ZNF737: variants seen among roughly 807,000 people sequenced by gnomAD.
The protein encoded by ZNF737 is zinc finger protein 102 (Y3).
ZNF737 carries 13 observed loss-of-function variants against 11.7 expected under a neutral mutation model. That is an observed-to-expected ratio of 1.11 (90% CI 0.73 to 1.77). ZNF737 has a LOEUF of 1.77. Ranked by LOEUF, ZNF737 falls within the 40% of genes most tolerant of loss-of-function variation. The probability of loss-of-function intolerance (pLI) is 0.00; values close to 1 mark genes in which losing one functional copy is unlikely to be tolerated. For synonymous variants in ZNF737, 217 were observed against 216.2 expected, an observed-to-expected ratio of 1.00 and a Z score of -0.03; for missense variants, 636 against 638.0, an observed-to-expected ratio of 1.00 and a Z score of 0.03.
chr19:20,539,390 A>AAAG lies in ZNF737; in HGVS notation c.*5199_*5201dup. 25 of 985,438 alleles carry AAAG rather than the reference A, an allele frequency of 2.5e-5. No individual in the cohort carries two copies. The highest frequency in any genetic ancestry group is 3.0e-5 in the Non-Finnish European group (25 of 829,928). 61.0% of individuals were successfully genotyped at this position (985,438 alleles called of 1,614,324 possible). Reference sequence around the variant, plus strand: ...ACTTTAGCCAGGATTTCAGATTTCAAAAGGTCAAAAACAATCATTGAGCAA... The same window carrying AAAG: ...ACTTTAGCCAGGATTTCAGATTTCAAAAGAAGGTCAAAAACAATCATTGAGCAA... On this transcript the variant is annotated 3_prime_UTR_variant, in exon 4 of 4. Coordinates refer to ENST00000427401, the MANE Select transcript of ZNF737 (RefSeq NM_001159293.2).
At chr19:20,559,894 C>T (rs1969018746) in intron 1 of ZNF737, among the ~76,000 whole-genome samples, 1 of 152,090 alleles carries the variant, frequency 6.6e-6, no homozygotes, top group Non-Finnish European at 1.5e-5. Flanking sequence ...TGGTCAGATG[C>T]AGTGGTTCAC....
intron 3 of ZNF737, among the ~76,000 whole-genome samples, chr19:20,550,295 AGGCT>A (rs1303759911): frequency 6.6e-6 from 1 of 152,198 alleles, no homozygotes; most frequent in African/African-American, 2.4e-5. Flanking sequence ...ATGGAGATAT[AGGCT>A]GAAAAAAGTA....
the ZNF737 span, among the ~76,000 whole-genome samples, chr19:20,530,572 C>T: frequency 6.8e-6 from 1 of 147,866 alleles, no homozygotes; most frequent in Non-Finnish European, 1.5e-5. Context: ...GGCAGAGACG[C>T]TCCTCACCTC....
In ZNF737 at chr19:20,541,078, C is replaced by A. The variant is rs1555755024; in HGVS notation, c.*3514G>T. On this transcript the variant is annotated 3_prime_UTR_variant, in exon 4 of 4. Transcript: ENST00000427401. ...AGTTGCCTGTGCTTTAATAGGCAGA[C>A]TCTGGGGAGAATCCGAATCACAGGC... The A allele has an allele frequency of 1.0e-6, 1 of 985,040 alleles. No individual in the cohort carries two copies. Among genetic ancestry groups the A allele is most frequent in the African/African-American group, 1.7e-5 (1 of 57,196 alleles). 61.0% of individuals were successfully genotyped at this position (985,040 alleles called of 1,614,324 possible).
intron 1 of ZNF737, among the ~76,000 whole-genome samples, chr19:20,556,901 C>T (rs1290200026): frequency 2.0e-5 from 3 of 152,182 alleles, no homozygotes; most frequent in Non-Finnish European, 4.4e-5. Flanking sequence ...ATTCTCATAA[C>T]ACCCGGGGAG....
intron 3 of ZNF737, among the ~76,000 whole-genome samples, 173 bp downstream of exon 3, chr19:20,552,302 T>G (rs1349714757): frequency 7.0e-6 from 1 of 143,726 alleles, no homozygotes; most frequent in African/African-American, 2.6e-5. Context: ...AAGCAGAAGA[T>G]GCCCCTTTAT....
At chr19:20,562,785 C>G (rs1555762820) in intron 1 of ZNF737, among the ~76,000 whole-genome samples, 1 of 152,106 alleles carries the variant, frequency 6.6e-6, no homozygotes, top group Non-Finnish European at 1.5e-5. Flanking sequence ...TCGAACTCTT[C>G]TTAAGCTTAT....
At chr19:20,536,095 A>G (rs1967954903), downstream of ZNF737, 2 of 985,272 alleles carry the variant, frequency 2.0e-6, no homozygotes, top group South Asian at 9.4e-5. Context: ...ATGTGGATAC[A>G]GATGAGAGTA....
In ZNF737 at chr19:20,547,943, G is replaced by A. The variant is rs1484332980; in HGVS notation, c.227-1967C>T. Among the ~76,000 whole-genome samples, 3 of 150,736 alleles carry A rather than the reference G, an allele frequency of 2.0e-5. No individual in the cohort carries two copies. The East Asian group carries it at 5.9e-4, about 30-fold the overall frequency. On this transcript the variant is annotated intron_variant, in intron 3 of 3. Coordinates refer to ENST00000427401, the MANE Select transcript of ZNF737 (RefSeq NM_001159293.2). Reference sequence around the variant, plus strand: ...AGGTGGGCAGATAACCTGAGGTCAGGTGTTTGTGACCAGCCTGGCCAACAC... The same window carrying A: ...AGGTGGGCAGATAACCTGAGGTCAGATGTTTGTGACCAGCCTGGCCAACAC...
chr19:20,547,558 A>C (rs1413784003), intron 3 of ZNF737, among the ~76,000 whole-genome samples: 1 of 152,162 alleles, frequency 6.6e-6, no homozygotes, highest in Non-Finnish European at 1.5e-5. Flanking sequence ...TCTTCAAAAA[A>C]TGAAGTTGAA....
At chr19:20,555,211 ATCAC>A (rs1393633207) in intron 1 of ZNF737, among the ~76,000 whole-genome samples, 19 of 143,712 alleles carry the variant, frequency 1.3e-4, no homozygotes, top group African/African-American at 4.7e-4. Flanking sequence ...GATATGGAAA[ATCAC>A]TCTGTTGCCC....
intron 1 of ZNF737, among the ~76,000 whole-genome samples, chr19:20,554,157 C>A (rs1187374500): frequency 6.6e-6 from 1 of 152,096 alleles, no homozygotes; most frequent in Non-Finnish European, 1.5e-5. Context: ...TTTCAGATGA[C>A]AAAGACATGT....
rs918542784 is a variant in ZNF737 at position 20,539,512 on chromosome 19, T to C, written c.*5080A>G. 1.0e-5 allele frequency: 10 copies of C among 985,226 alleles called. No homozygotes were observed. The African/African-American group carries it at 1.7e-4, about 17-fold the overall frequency. The allele number at this position is 985,226 out of a possible 1,614,324, so 61.0% of individuals were successfully genotyped here. A position where few individuals can be genotyped will look rare whatever the true frequency, so the allele number is the denominator to read the frequency against. On this transcript the variant is annotated 3_prime_UTR_variant, in exon 4 of 4. Transcript: ENST00000427401. ...ATTGAAAAAATGTGGTCTTGGTAAATTTTATTCCATTTCAAATGTTTTCTC... is the reference window on the plus strand; with the variant it reads ...ATTGAAAAAATGTGGTCTTGGTAAACTTTATTCCATTTCAAATGTTTTCTC...
intron 1 of ZNF737, among the ~76,000 whole-genome samples, chr19:20,558,228 T>C (rs1968961614): frequency 6.6e-6 from 1 of 151,150 alleles, no homozygotes; most frequent in African/African-American, 2.4e-5. Flanking sequence ...AGGGCAGCAG[T>C]GAGCCAAGAT....
chr19:20,558,675 T>C (rs781823822), intron 1 of ZNF737, among the ~76,000 whole-genome samples: 1 of 152,202 alleles, frequency 6.6e-6, no homozygotes, highest in Admixed American at 6.5e-5. Context: ...GGATGACTCA[T>C]TTCCCTTACA....
In ZNF737 at chr19:20,544,871, C is replaced by G; in HGVS notation, c.1332G>C (p.Lys444Asn). The G allele has an allele frequency of 6.2e-7, 1 of 1,613,304 alleles. No individual in the cohort carries two copies. Among genetic ancestry groups the G allele is most frequent in the Non-Finnish European group, 8.5e-7 (1 of 1,179,776 alleles). Reference sequence around the variant, plus strand: ...AGGGTTTCTCTCCAGTATGAATTCTCTTATGTGTAGTAAGGATAGAGAAGC... The same window carrying G: ...AGGGTTTCTCTCCAGTATGAATTCTGTTATGTGTAGTAAGGATAGAGAAGC... ...FKCFSILTTH[K>N]RIHTGEKPYK... Residue 444 changes from lysine to asparagine, a missense_variant, in exon 4 of 4, where the codon AAG (lysine) becomes AAC (asparagine). Transcript: ENST00000427401.
intron 3 of ZNF737, among the ~76,000 whole-genome samples, chr19:20,550,423 A>G (rs1266047499): frequency 6.6e-6 from 1 of 152,218 alleles, no homozygotes; most frequent in African/African-American, 2.4e-5. Context: ...ATATCATGCA[A>G]ATTCTAGCAT....
intron 1 of ZNF737, 44 bp downstream of exon 1, chr19:20,565,594 C>T: frequency 6.2e-7 from 1 of 1,614,172 alleles, no homozygotes; most frequent in Non-Finnish European, 8.5e-7. Context: ...CCGGTTCCAA[C>T]CAGCCTATCC....
chr19:20,533,861 G>T (rs1555753321), downstream of ZNF737, among the ~76,000 whole-genome samples: 5 of 150,070 alleles, frequency 3.3e-5, no homozygotes. Context: ...TGATCAGTTG[G>T]TTGATTGGAA....
Sources: allele counts gnomAD v4.1 joint callset (sites outside exome capture counted in the v4.1 genomes callset), GRCh38; gene constraint gnomAD v4.1.1; transcripts MANE v1.5; gene names NCBI Gene and HGNC (gene_info 2026-07-23, HGNC 2026-07-21).